Variants in SEL1L2 observed in about 807,000 individuals in gnomAD.
SEL1L2 encodes SEL1L2 adaptor subunit of SYVN1 ubiquitin ligase.
In SEL1L2, 89 loss-of-function variants were observed where a neutral mutation model predicts 98.8. The ratio of observed to expected loss-of-function variants is 0.90; its 90% confidence interval spans 0.76 to 1.07. The LOEUF is 1.07. SEL1L2 is among the 50% of genes least tolerant of loss of function. The pLI is 0.00. For missense variants in SEL1L2, 788 were observed against 812.0 expected (o/e 0.97, Z 0.36); for synonymous variants, 262 against 278.5 (o/e 0.94, Z 0.59).
chr20:13,962,216 CT>C (rs1180440552), intron 1 of SEL1L2, among the ~76,000 whole-genome samples: 1 of 152,194 alleles, frequency 6.6e-6, no homozygotes, highest in African/African-American at 2.4e-5. Flanking sequence ...ATTCACATCG[CT>C]TTGCAGTGTG....
chr20:13,908,305 T>C (rs1332920901), intron 5 of SEL1L2, among the ~76,000 whole-genome samples: 1 of 151,448 alleles, frequency 6.6e-6, no homozygotes, highest in African/African-American at 2.4e-5. Flanking sequence ...TTAAATTTTG[T>C]AGAGACAGGA....
chr20:13,968,601 G>GA (rs890661243), intron 1 of SEL1L2, among the ~76,000 whole-genome samples: 8 of 152,096 alleles, frequency 5.3e-5, no homozygotes, highest in South Asian at 2.1e-4. Flanking sequence ...CATTGCTTCA[G>GA]AAAAAAATAA....
At chr20:13,892,706 G>A (rs1350286264) in intron 5 of SEL1L2, among the ~76,000 whole-genome samples, 1 of 152,052 alleles carries the variant, frequency 6.6e-6, no homozygotes, top group East Asian at 1.9e-4. Flanking sequence ...AGACGTAAAT[G>A]GATTAAACTT....
intron 2 of SEL1L2, among the ~76,000 whole-genome samples, chr20:13,954,396 G>T (rs1174430465): frequency 1.3e-5 from 2 of 152,070 alleles, no homozygotes; most frequent in Non-Finnish European, 2.9e-5. Context: ...TGGGCACTTT[G>T]CAGTAGAGGT....
chr20:13,985,548 C>G (rs1475493966), intron 1 of SEL1L2, among the ~76,000 whole-genome samples: 1 of 152,156 alleles, frequency 6.6e-6, no homozygotes, highest in African/African-American at 2.4e-5. Context: ...GTTTTATTAC[C>G]TACAACACTT....
intron 2 of SEL1L2, among the ~76,000 whole-genome samples, chr20:13,939,437 T>A (rs2049639413): frequency 1.3e-5 from 2 of 152,302 alleles, no homozygotes; most frequent in South Asian, 4.1e-4. Context: ...TGAACTAATT[T>A]CTTTCAAAGA....
Position 13,888,009 on chromosome 20 carries a change from A to G in SEL1L2, c.604-8T>C. On this transcript the variant is annotated splice_polypyrimidine_tract_variant and splice_region_variant and intron_variant, in intron 6 of 19. Coordinates refer to ENST00000284951, the MANE Select transcript of SEL1L2 (RefSeq NM_025229.2). ...GGTGTAATATATCAGTGCCTAAAGT[A>G]AAAACAAACAAACAAAAAACCCCCC... is the stretch of plus-strand genomic sequence containing the variant. 2 of 1,610,954 alleles carry G rather than the reference A, an allele frequency of 1.2e-6. No homozygotes were observed. Among genetic ancestry groups the G allele is most frequent in the East Asian group, 4.5e-5 (2 of 44,794 alleles).
At position 13,865,407 on chromosome 20, in the gene SEL1L2, C is replaced by T. The variant is rs559113016; in HGVS notation, c.1512G>A (p.Leu504=). Residue 504 remains leucine, a synonymous_variant, in exon 16 of 20, where the codon CTG becomes CTA. Transcript: ENST00000284951. ...DIDSSLVQYA[L]LAEMGYEVAQ... Reference sequence around the variant, plus strand: ...CTACTTCATACCCCATTTCTGCAAGCAGTGCATACTGAACAAGAGAAGAAT... The same window carrying T: ...CTACTTCATACCCCATTTCTGCAAGTAGTGCATACTGAACAAGAGAAGAAT... 1.3e-5 allele frequency: 21 copies of T among 1,613,994 alleles called. No individual in the cohort carries two copies. Among genetic ancestry groups the T allele is most frequent in the Non-Finnish European group, 1.8e-5 (21 of 1,179,988 alleles).
chr20:13,870,871 C>T (rs949729735), intron 12 of SEL1L2, among the ~76,000 whole-genome samples: 1 of 141,892 alleles, frequency 7.0e-6, no homozygotes, highest in Non-Finnish European at 1.5e-5. Context: ...TGCAGTGAGC[C>T]GAGATTGCGC....
chr20:13,873,722 A>G (rs1387892830), intron 12 of SEL1L2, among the ~76,000 whole-genome samples: 3 of 152,224 alleles, frequency 2.0e-5, no homozygotes, highest in Admixed American at 6.5e-5. Flanking sequence ...CAAACCCTGC[A>G]GTATACACCT....
chr20:13,928,350 G>C (rs1347461596), intron 3 of SEL1L2: 1 of 152,228 alleles, frequency 6.6e-6, no homozygotes, highest in African/African-American at 2.4e-5. Flanking sequence ...GCAGGAGGGG[G>C]TGTTTACCAG....
chr20:13,958,061 T>G (rs950378639), intron 1 of SEL1L2, among the ~76,000 whole-genome samples: 9 of 152,166 alleles, frequency 5.9e-5, no homozygotes, highest in African/African-American at 1.9e-4. Context: ...TGTCAAGTGA[T>G]TATATTGGGA....
chr20:13,940,647 G>T (rs1263324097), intron 2 of SEL1L2, among the ~76,000 whole-genome samples: 1 of 152,162 alleles, frequency 6.6e-6, no homozygotes, highest in Non-Finnish European at 1.5e-5. Context: ...ATGAGTGGGA[G>T]CAGGGGCTGG....
At chr20:13,918,894 A>T (rs912130467) in intron 4 of SEL1L2, 127 bp downstream of exon 4, 13 of 637,596 alleles carry the variant, frequency 2.0e-5, no homozygotes, top group Non-Finnish European at 3.6e-5. Context: ...TTTTAAAAAC[A>T]ATAGTTTATG....
chr20:13,978,795 G>A (rs755930436), intron 1 of SEL1L2, among the ~76,000 whole-genome samples: 10 of 152,280 alleles, frequency 6.6e-5, no homozygotes, highest in Middle Eastern at 3.4e-3. Context: ...GGTGGCTCAC[G>A]CCTGTAATCC....
At chr20:13,977,453 G>A (rs1555902864) in intron 1 of SEL1L2, among the ~76,000 whole-genome samples, 1 of 152,172 alleles carries the variant, frequency 6.6e-6, no homozygotes, top group Non-Finnish European at 1.5e-5. Flanking sequence ...ATGAGCTGTT[G>A]GCGTTCTTTG....
chr20:13,888,945 C>T (rs1349489243), intron 5 of SEL1L2, among the ~76,000 whole-genome samples: 12 of 150,310 alleles, frequency 8.0e-5, no homozygotes, highest in Non-Finnish European at 1.5e-4. Flanking sequence ...TGCTCCCGGC[C>T]TCTTTCTTTT....
At chr20:13,923,118 T>C (rs1259742485) in intron 3 of SEL1L2, among the ~76,000 whole-genome samples, 1 of 152,250 alleles carries the variant, frequency 6.6e-6, no homozygotes, top group Non-Finnish European at 1.5e-5. Flanking sequence ...GTGTATCTTA[T>C]AACTTTTGAC....
intron 12 of SEL1L2, among the ~76,000 whole-genome samples, chr20:13,871,623 T>C (rs1295269735): frequency 6.6e-6 from 1 of 152,050 alleles, no homozygotes; most frequent in Non-Finnish European, 1.5e-5. Flanking sequence ...ACTATTCTCC[T>C]GCCTCAGCCT....
Sources: gnomAD v4.1 joint callset for allele counts (sites outside exome capture counted in the v4.1 genomes callset) on GRCh38, gnomAD v4.1.1 for gene constraint, MANE v1.5 for transcripts, NCBI Gene and HGNC (gene_info 2026-07-23, HGNC 2026-07-21) for gene names.